Variants in ZBTB20 observed in about 807,000 individuals in gnomAD.
ZBTB20 encodes the protein zinc finger and BTB domain-containing protein 20.
In ZBTB20, 9 loss-of-function variants were observed where a neutral mutation model predicts 56.9. That is an observed-to-expected ratio of 0.16 (90% CI 0.10 to 0.28). The LOEUF is 0.28. Ranked by LOEUF, ZBTB20 falls within the 10% of genes least tolerant of loss-of-function variation. The pLI, the probability that ZBTB20 is intolerant of heterozygous loss-of-function variation, is 1.00. For missense variants in ZBTB20, 655 were observed against 1,003.0 expected (o/e 0.65, Z 4.69); for synonymous variants, 417 against 420.7 (o/e 0.99, Z 0.11).
At chr3:114,687,311 G>C (rs1262214641) in intron 6 of ZBTB20, 1 of 148,148 alleles carries the variant, frequency 6.8e-6, no homozygotes, top group African/African-American at 2.5e-5. Context: ...GATTCCCCTT[G>C]GATTTCCAAC....
At chr3:115,008,223 G>T (rs1457991904) in intron 2 of ZBTB20, among the ~76,000 whole-genome samples, 1 of 151,770 alleles carries the variant, frequency 6.6e-6, no homozygotes, top group African/African-American at 2.4e-5. Context: ...ATATCAAACT[G>T]CAGTTTTTAA....
chr3:114,337,089 G>A lies in ZBTB20; in HGVS notation c.*1916C>T, dbSNP rs1197297158. On this transcript the variant is annotated 3_prime_UTR_variant, in exon 12 of 12. Transcript: ENST00000675478. Reference sequence around the variant, plus strand: ...ATAGATTGGTGGTCTTTTGAATGGTGGCTGTTGGCATCTGGGAATTTTTTT... The same window carrying A: ...ATAGATTGGTGGTCTTTTGAATGGTAGCTGTTGGCATCTGGGAATTTTTTT... The A allele has an allele frequency of 6.6e-6, 1 of 152,218 alleles. No individual in the cohort carries two copies. The highest frequency in any genetic ancestry group is 1.5e-5 in the Non-Finnish European group (1 of 68,044). The allele number at this position is 152,218 out of a possible 1,614,324, so 9.4% of individuals were successfully genotyped here.
intron 6 of ZBTB20, among the ~76,000 whole-genome samples, chr3:114,501,714 T>C (rs563713897): frequency 1.4e-4 from 20 of 145,386 alleles, no homozygotes; most frequent in South Asian, 1.3e-3. Context: ...TTCTTTCTTT[T>C]TTTTTTTTTT....
chr3:114,754,247 G>C (rs928277277), intron 5 of ZBTB20, among the ~76,000 whole-genome samples: 1 of 152,130 alleles, frequency 6.6e-6, no homozygotes, highest in Non-Finnish European at 1.5e-5. Context: ...AAAGAGACAT[G>C]CAAGTTCTCA....
intron 6 of ZBTB20, among the ~76,000 whole-genome samples, chr3:114,677,193 A>T (rs554991901): frequency 2.0e-5 from 3 of 152,360 alleles, no homozygotes; most frequent in Admixed American, 6.5e-5. Flanking sequence ...CCTGCTAAAA[A>T]ATGAATTTAA....
intron 10 of ZBTB20, among the ~76,000 whole-genome samples, chr3:114,374,419 A>G (rs1448497481): frequency 6.6e-6 from 1 of 152,246 alleles, no homozygotes; most frequent in African/African-American, 2.4e-5. Flanking sequence ...ATTGGATAGT[A>G]ACTGTCTGTG....
At chr3:114,446,941 A>G (rs2091309391) in intron 7 of ZBTB20, among the ~76,000 whole-genome samples, 1 of 152,240 alleles carries the variant, frequency 6.6e-6, no homozygotes, top group South Asian at 2.1e-4. Flanking sequence ...CTGTGAGAAG[A>G]CATTCCACTA....
chr3:114,743,192 G>T lies in ZBTB20; in HGVS notation c.-342-49617C>A, dbSNP rs951170526. 1.2e-4 allele frequency among the ~76,000 whole-genome samples: 18 copies of T among 152,200 alleles called. 1 individual carries two copies. The highest frequency in any genetic ancestry group is 4.3e-4 in the African/African-American group (18 of 41,532). ...TGTTTATTACTCTCATCCCCAAAGGGAAGTATAAAGCTGGCCTTAAAAGCT... is the reference window on the plus strand; with the variant it reads ...TGTTTATTACTCTCATCCCCAAAGGTAAGTATAAAGCTGGCCTTAAAAGCT... On this transcript the variant is annotated intron_variant, in intron 5 of 11. Coordinates refer to ENST00000675478, the MANE Select transcript of ZBTB20 (RefSeq NM_001348800.3).
At chr3:114,698,213 A>G (rs543511335) in intron 5 of ZBTB20, among the ~76,000 whole-genome samples, 2 of 152,242 alleles carry the variant, frequency 1.3e-5, no homozygotes, top group Non-Finnish European at 2.9e-5. Context: ...AAAAATACAT[A>G]AAGAACACAT....
intron 10 of ZBTB20, among the ~76,000 whole-genome samples, chr3:114,377,787 G>A (rs1398702824): frequency 6.6e-6 from 1 of 152,134 alleles, no homozygotes; most frequent in Non-Finnish European, 1.5e-5. Context: ...CTACCTGGGT[G>A]TCAATTTTCT....
chr3:115,015,444 T>G (rs988093564), intron 2 of ZBTB20, among the ~76,000 whole-genome samples: 4 of 151,790 alleles, frequency 2.6e-5, no homozygotes, highest in Non-Finnish European at 4.4e-5. Context: ...CATTAACTAT[T>G]CTTCCTGATG....
At chr3:114,466,574 A>C (rs2092562916) in intron 7 of ZBTB20, among the ~76,000 whole-genome samples, 1 of 152,212 alleles carries the variant, frequency 6.6e-6, no homozygotes, top group Non-Finnish European at 1.5e-5. Context: ...ATTTGTGGAA[A>C]TTCCTCACAT....
intron 6 of ZBTB20, among the ~76,000 whole-genome samples, chr3:114,555,072 G>T (rs1028129841): frequency 6.6e-6 from 1 of 152,066 alleles, no homozygotes; most frequent in African/African-American, 2.4e-5. Flanking sequence ...ATTGACAAAG[G>T]CCTGGACTTT....
rs189434110 is a variant in ZBTB20, at chr3:114,676,168, A to G, written c.-295+17360T>C. ...TTACTTCTCCTGATCCTCTTCCCCA[A>G]CTGATCAGCTTGCAGCATTCATTTG... On this transcript the variant is annotated intron_variant, in intron 6 of 11. Coordinates refer to ENST00000675478, the MANE Select transcript of ZBTB20 (RefSeq NM_001348800.3). 2.2e-3 allele frequency among the ~76,000 whole-genome samples: 341 copies of G among 152,296 alleles called. 1 individual carries two copies. The highest frequency in any genetic ancestry group is 7.0e-3 in the African/African-American group (291 of 41,560).
chr3:114,507,914 T>C (rs1307619559), intron 6 of ZBTB20, among the ~76,000 whole-genome samples: 1 of 152,162 alleles, frequency 6.6e-6, no homozygotes, highest in Non-Finnish European at 1.5e-5. Context: ...TTATTCAATT[T>C]GCCAAGTGCA....
At chr3:114,559,655 C>T (rs528159718) in intron 6 of ZBTB20, among the ~76,000 whole-genome samples, 1 of 152,138 alleles carries the variant, frequency 6.6e-6, no homozygotes, top group African/African-American at 2.4e-5. Context: ...TTATTCTTAA[C>T]CTCCCTAGGT....
At chr3:114,356,210 G>C (rs1409557857) in intron 10 of ZBTB20, 1 of 152,158 alleles carries the variant, frequency 6.6e-6, no homozygotes, top group African/African-American at 2.4e-5. Context: ...ATCTGCCTGT[G>C]GGGAATTGGG....
At chr3:114,565,983 C>A (rs974577633) in intron 6 of ZBTB20, among the ~76,000 whole-genome samples, 1 of 151,694 alleles carries the variant, frequency 6.6e-6, no homozygotes, top group East Asian at 1.9e-4. Flanking sequence ...GAAGTAATTA[C>A]CAACAATACA....
intron 2 of ZBTB20, among the ~76,000 whole-genome samples, chr3:115,004,419 TA>T (rs1560482602): frequency 6.6e-6 from 1 of 151,664 alleles, no homozygotes. Context: ...TAAAACAAAA[TA>T]TTTTTTTTTC....
Sources: gnomAD v4.1 joint callset for allele counts (sites outside exome capture counted in the v4.1 genomes callset) on GRCh38, gnomAD v4.1.1 for gene constraint, MANE v1.5 for transcripts, NCBI Gene and HGNC (gene_info 2026-07-23, HGNC 2026-07-21) for gene names.